Variants in ADGB observed in about 807,000 individuals in gnomAD.
ADGB encodes the protein androglobin.
ADGB carries 172 observed loss-of-function variants against 210.5 expected under a neutral mutation model. The ratio of observed to expected loss-of-function variants is 0.82; its 90% CI spans 0.72 to 0.93. The LOEUF (loss-of-function observed/expected upper bound fraction) is 0.93. ADGB is among the 40% of genes least tolerant of loss of function. The pLI is 0.00. For synonymous variants in ADGB, 658 were observed against 662.7 expected, an observed-to-expected ratio of 0.99 and a Z score of 0.11; for missense variants, 2,025 against 1,964.8, an observed-to-expected ratio of 1.03 and a Z score of -0.58.
At chr6:146,600,934 A>ATG (rs1562251923) in intron 1 of ADGB, among the ~76,000 whole-genome samples, 11 of 133,370 alleles carry the variant, frequency 8.2e-5, no homozygotes, top group Admixed American at 3.5e-4. Context: ...GCGCACACAC[A>ATG]CACACACACA....
chr6:146,616,843 T>C (rs1265152224), intron 1 of ADGB, among the ~76,000 whole-genome samples: 1 of 152,168 alleles, frequency 6.6e-6, no homozygotes, highest in East Asian at 1.9e-4. Context: ...CTTTGGTTAT[T>C]ATACTTTTGT....
Position 146,723,367 on chromosome 6 carries a change from CTT to C in ADGB, c.2096-818_2096-817del, listed in dbSNP as rs533055897. Reference sequence around the variant, plus strand: ...TTATTTATCCATTTTTAATAAAAAACTTGATATTAAATTTAAACTTTGTTAAT... The same window carrying C: ...TTATTTATCCATTTTTAATAAAAAACGATATTAAATTTAAACTTTGTTAAT... On this transcript the variant is annotated intron_variant, in intron 17 of 35. Transcript: ENST00000397944. 2.2e-3 allele frequency among the ~76,000 whole-genome samples: 339 copies of C among 152,208 alleles called. 3 individuals are homozygous for C. Among genetic ancestry groups the C allele is most frequent in the African/African-American group, 7.9e-3 (329 of 41,528 alleles).
intron 3 of ADGB, 58 bp downstream of exon 3, chr6:146,644,923 G>A: frequency 9.2e-7 from 1 of 1,086,184 alleles, no homozygotes; most frequent in South Asian, 1.9e-5. Flanking sequence ...TTATCCTACT[G>A]ATAAAAATTT....
intron 33 of ADGB, 69 bp from the exon 34 acceptor site, chr6:146,801,114 A>G: frequency 4.1e-6 from 3 of 731,390 alleles, no homozygotes; most frequent in Non-Finnish European, 6.2e-6. Flanking sequence ...AATGAGATAT[A>G]GTCATTTGGT....
chr6:146,709,051 TTC>T (rs1243837312), intron 13 of ADGB, among the ~76,000 whole-genome samples: 3 of 152,170 alleles, frequency 2.0e-5, no homozygotes, highest in East Asian at 1.9e-4. Context: ...CCTCTAGAAT[TTC>T]TGTTTAATTT....
At chr6:146,599,405 T>A (rs1780519812) in intron 1 of ADGB, among the ~76,000 whole-genome samples, 1 of 152,314 alleles carries the variant, frequency 6.6e-6, no homozygotes, top group South Asian at 2.1e-4. Context: ...CTCAGGCAGT[T>A]AGAAAGGCCA....
intron 31 of ADGB, among the ~76,000 whole-genome samples, chr6:146,785,049 C>A (rs1358213975): frequency 6.6e-6 from 1 of 152,116 alleles, no homozygotes; most frequent in Admixed American, 6.6e-5. Flanking sequence ...CTATGGGTTA[C>A]CTCATTCTTT....
intron 12 of ADGB, among the ~76,000 whole-genome samples, chr6:146,698,029 A>T (rs1345707127): frequency 6.6e-6 from 1 of 152,214 alleles, no homozygotes; most frequent in East Asian, 1.9e-4. Context: ...GTAAGAAAAG[A>T]ACAATTTTAA....
chr6:146,801,099 A>G, intron 33 of ADGB, 84 bp from the exon 34 acceptor site: 1 of 623,858 alleles, frequency 1.6e-6, no homozygotes. Context: ...AAAACAACCA[A>G]TTAAAATGAG....
At chr6:146,619,420 T>G (rs1180550906) in intron 1 of ADGB, among the ~76,000 whole-genome samples, 1 of 152,022 alleles carries the variant, frequency 6.6e-6, no homozygotes, top group Non-Finnish European at 1.5e-5. Flanking sequence ...TACTTGTTTT[T>G]GGGATTTTAA....
chr6:146,807,371 A>T (rs1562306976), intron 35 of ADGB: 1 of 1,545,940 alleles, frequency 6.5e-7, no homozygotes, highest in East Asian at 2.4e-5. Flanking sequence ...TACCAGTGGA[A>T]TTATTTGTTT....
At chr6:146,610,848 G>A (rs964475078) in intron 1 of ADGB, among the ~76,000 whole-genome samples, 1 of 152,136 alleles carries the variant, frequency 6.6e-6, no homozygotes, top group Non-Finnish European at 1.5e-5. Context: ...AAGTTGTCAG[G>A]GTCCACATGC....
chr6:146,693,800 C>G (rs947993995), intron 12 of ADGB, among the ~76,000 whole-genome samples: 5 of 152,156 alleles, frequency 3.3e-5, no homozygotes, highest in Non-Finnish European at 7.4e-5. Context: ...TTTAATTTCA[C>G]TGCTCACAAG....
chr6:146,755,880 A>G lies in ADGB; in HGVS notation c.3550+3166A>G, dbSNP rs185088978. The stretch of plus-strand genomic sequence containing the variant: ...TTTTGATTAAACCTACAAGCAAATT[A>G]CTAGAAATAACTGTTATTTTTCTAT... On this transcript the variant is annotated intron_variant, in intron 27 of 35. Transcript: ENST00000397944. Among the ~76,000 whole-genome samples the G allele has an allele frequency of 5.8e-4, 88 of 152,222 alleles. No individual in the cohort carries two copies. The East Asian group carries it at 7.9e-3, about 14-fold the overall frequency.
chr6:146,809,359 C>A (rs1330015666), intron 35 of ADGB, among the ~76,000 whole-genome samples: 1 of 152,172 alleles, frequency 6.6e-6, no homozygotes. Context: ...GGTGCAGCCA[C>A]CACGCCCGGC....
Position 146,644,883 on chromosome 6 carries a change from A to T in ADGB, c.330+18A>T. The T allele has an allele frequency of 7.3e-7, 1 of 1,364,896 alleles. No homozygotes were observed. Among genetic ancestry groups the T allele is most frequent in the Non-Finnish European group, 9.8e-7 (1 of 1,018,886 alleles). 84.5% of individuals were successfully genotyped at this position (1,364,896 alleles called of 1,614,324 possible). ...TTAGTCAGGTAAGAAAGTTTTTTCT[A>T]TTAAATAAAATACTTACTATGTGGA... On this transcript the variant is annotated intron_variant, in intron 3 of 35. Coordinates refer to ENST00000397944, the MANE Select transcript of ADGB (RefSeq NM_024694.4).
At chr6:146,681,472 C>T (rs9386165) in intron 9 of ADGB, among the ~76,000 whole-genome samples, 37,059 of 151,926 alleles carry the variant, frequency 0.24, 4,792 homozygotes, top group African/African-American at 0.33. Flanking sequence ...TCTTTATAGC[C>T]ATGCAAGTAT....
chr6:146,617,897 A>G (rs1780827891), intron 1 of ADGB, among the ~76,000 whole-genome samples: 2 of 152,042 alleles, frequency 1.3e-5, no homozygotes, highest in Admixed American at 6.6e-5. Context: ...CCTGCACAGT[A>G]GAAATTTGTG....
In ADGB at chr6:146,651,045, C is replaced by A. The variant is rs146593093; in HGVS notation, c.331-3090C>A. On this transcript the variant is annotated intron_variant, in intron 3 of 35. Coordinates refer to ENST00000397944, the MANE Select transcript of ADGB (RefSeq NM_024694.4). ...CAGTTGACTTACCCAGTTCTTGAAG[C>A]CTGTTGACTTCCCAGATGTTGCTTT... Among the ~76,000 whole-genome samples the A allele has an allele frequency of 4.0e-3, 610 of 152,290 alleles. 5 individuals are homozygous for A. The highest frequency in any genetic ancestry group is 0.014 in the African/African-American group (582 of 41,582).
Sources: allele counts gnomAD v4.1 joint callset (sites outside exome capture counted in the v4.1 genomes callset), GRCh38; gene constraint gnomAD v4.1.1; transcripts MANE v1.5; gene names NCBI Gene and HGNC (gene_info 2026-07-23, HGNC 2026-07-21).